Variants in ATRNL1 observed in about 807,000 individuals in gnomAD.
ATRNL1 encodes the protein attractin like 1.
ATRNL1 carries 95 observed loss-of-function variants against 182.7 expected under a neutral mutation model. The ratio of observed to expected loss-of-function variants is 0.52; its 90% CI spans 0.44 to 0.62. ATRNL1 has a LOEUF of 0.62. ATRNL1 is among the 20% of genes least tolerant of loss of function. The pLI is 0.00. For missense variants in ATRNL1, 1,471 were observed against 1,679.5 expected, an observed-to-expected ratio of 0.88 and a Z score of 2.17; for synonymous variants, 576 against 568.3, an observed-to-expected ratio of 1.01 and a Z score of -0.19.
chr10:115,493,330 A>G (rs916718209), intron 24 of ATRNL1, among the ~76,000 whole-genome samples: 1 of 152,048 alleles, frequency 6.6e-6, no homozygotes, highest in Non-Finnish European at 1.5e-5. Flanking sequence ...TGTGTACTCT[A>G]TGTTTAGCAC....
In ATRNL1 at chr10:115,223,929, A is replaced by ATAT. The variant is rs1420143943; in HGVS notation, c.1532+8050_1532+8051insATT. On this transcript the variant is annotated intron_variant, in intron 9 of 28. Coordinates refer to ENST00000355044, the MANE Select transcript of ATRNL1 (RefSeq NM_207303.4). ...TGTGTGTGTGTATATATATATATAT[A>ATAT]TTTTTTTTTTTTTTTTTTTTCTTTG... 6.9e-4 allele frequency among the ~76,000 whole-genome samples: 31 copies of ATAT among 44,732 alleles called. 3 individuals carry two copies. Among genetic ancestry groups the ATAT allele is most frequent in the Non-Finnish European group, 1.2e-3 (26 of 22,276 alleles). 29.3% of individuals were successfully genotyped at this position (44,732 alleles called of 152,430 possible). A position where few individuals can be genotyped will look rare whatever the true frequency, so the allele number is the denominator to read the frequency against.
chr10:115,596,680 C>A (rs934604514), intron 26 of ATRNL1, among the ~76,000 whole-genome samples: 2 of 152,030 alleles, frequency 1.3e-5, no homozygotes, highest in East Asian at 3.9e-4. Flanking sequence ...TATTGGAAAC[C>A]CGTGACAGTG....
intron 1 of ATRNL1, among the ~76,000 whole-genome samples, chr10:115,117,060 A>G (rs1342302721): frequency 6.6e-6 from 1 of 151,944 alleles, no homozygotes; most frequent in Non-Finnish European, 1.5e-5. Context: ...GAAGGGGGAT[A>G]TATATTTTTA....
intron 24 of ATRNL1, among the ~76,000 whole-genome samples, chr10:115,509,290 G>T (rs1850269269): frequency 6.6e-6 from 1 of 152,014 alleles, no homozygotes; most frequent in South Asian, 2.1e-4. Context: ...GGAGATTAAT[G>T]CTGTTTCATG....
In ATRNL1 at chr10:115,108,204, A is replaced by G. The variant is rs528115606; in HGVS notation, c.294-11981A>G. Reference sequence around the variant, plus strand: ...TTCTACCTTCTCGCATCTTTACTATATGCAGTTAAAAGTAGCCACGCAGCT... The same window carrying G: ...TTCTACCTTCTCGCATCTTTACTATGTGCAGTTAAAAGTAGCCACGCAGCT... On this transcript the variant is annotated intron_variant, in intron 1 of 28. Transcript: ENST00000355044. 2.0e-4 allele frequency among the ~76,000 whole-genome samples: 31 copies of G among 152,250 alleles called. 1 individual carries two copies. The highest frequency in any genetic ancestry group is 1.8e-3 in the Admixed American group (27 of 15,296).
chr10:115,528,830 C>T (rs1554987396), intron 25 of ATRNL1, among the ~76,000 whole-genome samples: 1 of 152,050 alleles, frequency 6.6e-6, no homozygotes, highest in Non-Finnish European at 1.5e-5. Context: ...TTAATTTTCA[C>T]ATTTCTCTAA....
intron 24 of ATRNL1, among the ~76,000 whole-genome samples, chr10:115,504,504 A>G (rs1378261808): frequency 1.3e-5 from 2 of 151,958 alleles, no homozygotes; most frequent in Non-Finnish European, 2.9e-5. Flanking sequence ...TTAATGTCTT[A>G]TTTACTAAAG....
At chr10:115,656,597 G>C (rs1555036012) in intron 26 of ATRNL1, among the ~76,000 whole-genome samples, 1 of 152,176 alleles carries the variant, frequency 6.6e-6, no homozygotes, top group African/African-American at 2.4e-5. Context: ...CCACCACCCT[G>C]AACTGGAATA....
chr10:115,098,993 T>C (rs887077764), intron 1 of ATRNL1, among the ~76,000 whole-genome samples: 1 of 152,204 alleles, frequency 6.6e-6, no homozygotes, highest in African/African-American at 2.4e-5. Flanking sequence ...TTTTGTCATA[T>C]GTATTTGCAT....
At chr10:115,262,290 G>T (rs1851426237) in intron 10 of ATRNL1, among the ~76,000 whole-genome samples, 1 of 151,398 alleles carries the variant, frequency 6.6e-6, no homozygotes, top group Admixed American at 6.6e-5. Flanking sequence ...ATTAAATGAT[G>T]CACAAGTTAG....
rs570791920 is a variant in ATRNL1 at position 115,898,139 on chromosome 10, A to G, written c.4019-46519A>G. On this transcript the variant is annotated intron_variant, in intron 28 of 28. Coordinates refer to ENST00000355044, the MANE Select transcript of ATRNL1 (RefSeq NM_207303.4). ...GACGGGGTTCACCATGTTGGCCAGG[A>G]TGGTCTCAATCTCTTGACCTCATGA... 9.3e-4 allele frequency among the ~76,000 whole-genome samples: 142 copies of G among 152,096 alleles called. 1 individual carries two copies. Among genetic ancestry groups the G allele is most frequent in the African/African-American group, 3.3e-3 (137 of 41,506 alleles).
chr10:115,467,295 A>T, intron 23 of ATRNL1, 43 bp downstream of exon 23: 1 of 1,381,366 alleles, frequency 7.2e-7, no homozygotes, highest in Non-Finnish European at 1.0e-6. Flanking sequence ...ATGTGTTCCT[A>T]TCTGGAAGTT....
intron 19 of ATRNL1, among the ~76,000 whole-genome samples, chr10:115,373,762 G>A (rs1554948739): frequency 6.6e-6 from 1 of 151,576 alleles, no homozygotes; most frequent in African/African-American, 2.4e-5. Context: ...AAATGATTGA[G>A]TTTGTTTCAT....
intron 26 of ATRNL1, among the ~76,000 whole-genome samples, chr10:115,604,155 T>C (rs1856758575): frequency 6.6e-6 from 1 of 152,210 alleles, no homozygotes; most frequent in East Asian, 1.9e-4. Flanking sequence ...AGACATTCTA[T>C]ATTTTTATGT....
intron 26 of ATRNL1, among the ~76,000 whole-genome samples, chr10:115,581,888 T>TC (rs1855113254): frequency 1.2e-5 from 1 of 85,938 alleles, no homozygotes; most frequent in Non-Finnish European, 2.2e-5. Context: ...TTGCTATCCC[T>TC]CCCCCCTCCC....
chr10:115,334,241 T>G (rs1855374879), intron 18 of ATRNL1, 41 bp from the exon 19 acceptor site: 1 of 1,318,574 alleles, frequency 7.6e-7, no homozygotes, highest in Admixed American at 2.3e-5. Flanking sequence ...ATACTTGATA[T>G]TATGTTAGAT....
intron 20 of ATRNL1, among the ~76,000 whole-genome samples, chr10:115,411,392 A>G (rs1264692211): frequency 6.6e-6 from 1 of 151,860 alleles, no homozygotes; most frequent in Admixed American, 6.6e-5. Flanking sequence ...TAGCGTTTAC[A>G]TAAATGATAA....
chr10:115,165,484 T>C, intron 6 of ATRNL1, 74 bp from the exon 7 acceptor site: 1 of 742,152 alleles, frequency 1.3e-6, no homozygotes, highest in Non-Finnish European at 2.1e-6. Flanking sequence ...CACAAGTGAA[T>C]AAAAAGCACG....
In ATRNL1 at chr10:115,124,062, A is replaced by G. The variant is rs997918760; in HGVS notation, c.491+2250A>G. 3.9e-5 allele frequency among the ~76,000 whole-genome samples: 6 copies of G among 152,074 alleles called. No individual in the cohort carries two copies. In the East Asian group the frequency reaches 1.2e-3, roughly 29 times the overall value. On this transcript the variant is annotated intron_variant, in intron 3 of 28. Coordinates refer to ENST00000355044, the MANE Select transcript of ATRNL1 (RefSeq NM_207303.4). ...TGTAATAATAATAGAAATAAAGTGC[A>G]TAATAAATGTAATATGCTTGAATCA...
Sources: gnomAD v4.1 joint callset for allele counts (sites outside exome capture counted in the v4.1 genomes callset) on GRCh38, gnomAD v4.1.1 for gene constraint, MANE v1.5 for transcripts, NCBI Gene and HGNC (gene_info 2026-07-23, HGNC 2026-07-21) for gene names.